The following BLTP1 variants were observed in gnomAD, a reference collection of about 807,000 sequenced individuals.
BLTP1 encodes the protein bridge-like lipid transfer protein family member 1, also known as fragile site-associated protein.
At chr4:122,222,883 T>G in the BLTP1 span, 1 of 556,636 alleles carries the variant, frequency 1.8e-6, no homozygotes, top group Non-Finnish European at 2.3e-6. Context: ...CCACGCATGA[T>G]GCAAACTGTA....
chr4:122,188,567 T>C, the BLTP1 span, among the ~76,000 whole-genome samples: 1 of 152,100 alleles, frequency 6.6e-6, no homozygotes, highest in South Asian at 2.1e-4. Flanking sequence ...ACTTGACATT[T>C]CTTTAAGTTC....
chr4:122,181,033 T>C, the BLTP1 span, among the ~76,000 whole-genome samples: 4 of 152,256 alleles, frequency 2.6e-5, no homozygotes, highest in African/African-American at 9.6e-5. Flanking sequence ...CATATTCATT[T>C]AAACATTATG....
At chr4:122,194,097 C>A in the BLTP1 span, among the ~76,000 whole-genome samples, 1 of 152,124 alleles carries the variant, frequency 6.6e-6, no homozygotes. Context: ...CTCCTGACCT[C>A]GTGATCCGCC....
chr4:122,332,151 A>G, the BLTP1 span, among the ~76,000 whole-genome samples: 4 of 151,986 alleles, frequency 2.6e-5, no homozygotes, highest in African/African-American at 7.2e-5. Flanking sequence ...AATGCTGACA[A>G]TTATTGAAAC....
At chr4:122,279,675 T>G in the BLTP1 span, 1 of 1,358,598 alleles carries the variant, frequency 7.4e-7, no homozygotes, top group Non-Finnish European at 9.8e-7. Flanking sequence ...TGAAGACCTC[T>G]CAAATTTATA....
chr4:122,194,407 G>A, the BLTP1 span: 13 of 342,060 alleles, frequency 3.8e-5, no homozygotes, highest in Non-Finnish European at 5.4e-5. Flanking sequence ...TTTCACGTTA[G>A]AAAGAAAATA....
the BLTP1 span, among the ~76,000 whole-genome samples, chr4:122,222,768 C>A: frequency 6.6e-6 from 1 of 152,106 alleles, no homozygotes; most frequent in Admixed American, 6.6e-5. Flanking sequence ...GTAACCTTAT[C>A]ATAACCTAAT....
the BLTP1 span, chr4:122,325,201 G>A: frequency 6.4e-7 from 1 of 1,563,204 alleles, no homozygotes; most frequent in South Asian, 1.2e-5. Flanking sequence ...GAGAATATTG[G>A]TGTTTTATAA....
At chr4:122,324,418 T>A in the BLTP1 span, 3 of 1,607,404 alleles carry the variant, frequency 1.9e-6, no homozygotes, top group South Asian at 3.3e-5. Context: ...TTCTCTCCCA[T>A]TTTGTTAGGC....
the BLTP1 span, chr4:122,362,491 A>G: frequency 3.4e-6 from 1 of 296,008 alleles, no homozygotes; most frequent in South Asian, 5.4e-5. Flanking sequence ...GTTTATAATT[A>G]TATAATGTGC....
the BLTP1 span, among the ~76,000 whole-genome samples, chr4:122,176,121 A>T: frequency 6.6e-6 from 1 of 151,928 alleles, no homozygotes; most frequent in Non-Finnish European, 1.5e-5. Context: ...GGCCAGCATG[A>T]TGAAACCCTG....
chr4:122,181,696 G>A, the BLTP1 span, among the ~76,000 whole-genome samples: 5 of 151,348 alleles, frequency 3.3e-5, no homozygotes, highest in Non-Finnish European at 7.4e-5. Flanking sequence ...CTGAGTAATG[G>A]TAGACCGATA....
the BLTP1 span, among the ~76,000 whole-genome samples, chr4:122,259,327 T>C: frequency 6.6e-6 from 1 of 152,208 alleles, no homozygotes; most frequent in Non-Finnish European, 1.5e-5. Context: ...ACTTAGTTGC[T>C]CTCTGACTGA....
At chr4:122,189,891 T>A in the BLTP1 span, 1 of 1,470,886 alleles carries the variant, frequency 6.8e-7, no homozygotes. Flanking sequence ...ATGTGCTTGT[T>A]AGTTTTTTTT....
chr4:122,175,843 T>C, the BLTP1 span: 1 of 1,562,762 alleles, frequency 6.4e-7, no homozygotes, highest in Admixed American at 1.7e-5. Flanking sequence ...TAATTTCCCT[T>C]TCTTAGGATT....
the BLTP1 span, chr4:122,255,093 C>A: frequency 1.3e-6 from 2 of 1,570,992 alleles, no homozygotes; most frequent in East Asian, 4.5e-5. Context: ...CTCTTTCATA[C>A]CTATCACTCT....
chr4:122,326,898 G>A, the BLTP1 span, among the ~76,000 whole-genome samples: 1 of 151,678 alleles, frequency 6.6e-6, no homozygotes, highest in Non-Finnish European at 1.5e-5. Flanking sequence ...TCAGTAACAT[G>A]TATACTATAT....
At chr4:122,249,575 A>G in the BLTP1 span, 1 of 1,613,780 alleles carries the variant, frequency 6.2e-7, no homozygotes, top group Non-Finnish European at 8.5e-7. Context: ...ACTTTTGTGG[A>G]TGAAACTGAT....
the BLTP1 span, among the ~76,000 whole-genome samples, chr4:122,317,134 C>T: frequency 6.6e-6 from 1 of 152,046 alleles, no homozygotes; most frequent in Non-Finnish European, 1.5e-5. Context: ...GAGTTCAAGA[C>T]CAGCCTGGGT....
Sources: allele counts gnomAD v4.1 joint callset (sites outside exome capture counted in the v4.1 genomes callset), GRCh38; gene constraint gnomAD v4.1.1; transcripts MANE v1.5; gene names NCBI Gene and HGNC (gene_info 2026-07-23, HGNC 2026-07-21).